The following ASTN2 variants were observed in gnomAD, a reference collection of about 807,000 sequenced individuals.
The protein encoded by ASTN2 is astrotactin 2, also known as astrotactin-2.
Under a neutral mutation model 139.8 loss-of-function variants are expected in ASTN2, and 54 were observed. The ratio of observed to expected loss-of-function variants is 0.39; its 90% CI spans 0.31 to 0.48. The LOEUF (loss-of-function observed/expected upper bound fraction) is 0.48, where lower values mean the gene tolerates loss of function less well. ASTN2 is among the 20% of genes least tolerant of loss of function. The pLI, the probability that ASTN2 is intolerant of heterozygous loss-of-function variation, is 0.95. For synonymous variants in ASTN2, 756 were observed against 719.5 expected (o/e 1.05, Z -0.81); for missense variants, 1,565 against 1,725.1 (o/e 0.91, Z 1.64).
At chr9:116,739,879 C>T (rs1829053748) in intron 13 of ASTN2, among the ~76,000 whole-genome samples, 1 of 152,226 alleles carries the variant, frequency 6.6e-6, no homozygotes, top group African/African-American at 2.4e-5. Context: ...TGCATGACCA[C>T]ATCTATTATG....
intron 5 of ASTN2, among the ~76,000 whole-genome samples, chr9:117,089,918 CATTTATTG>C (rs1423041495): frequency 6.6e-6 from 1 of 152,086 alleles, no homozygotes; most frequent in African/African-American, 2.4e-5. Flanking sequence ...TTTCTTTATC[CATTTATTG>C]ATTGATGGGC....
chr9:116,620,751 ATATTAT>A (rs71905045), intron 17 of ASTN2, among the ~76,000 whole-genome samples: 17,571 of 152,132 alleles, frequency 0.12, 1,054 homozygotes, highest in East Asian at 0.15. Flanking sequence ...CACACAATAG[ATATTAT>A]TATTATAATT....
At chr9:117,219,536 T>G (rs4838297) in intron 2 of ASTN2, among the ~76,000 whole-genome samples, 148,048 of 152,280 alleles carry the variant, frequency 0.97, 72,014 homozygotes, top group Non-Finnish European at 0.99. Context: ...GTCCGATTTG[T>G]ACCGTGCTCA....
At chr9:116,748,358 C>T (rs995088307) in intron 13 of ASTN2, among the ~76,000 whole-genome samples, 7 of 152,118 alleles carry the variant, frequency 4.6e-5, no homozygotes, top group African/African-American at 1.7e-4. Flanking sequence ...TCCAACCCTC[C>T]TGCTCCAGCT....
intron 1 of ASTN2, among the ~76,000 whole-genome samples, chr9:117,390,113 A>G (rs190903463): frequency 6.6e-6 from 1 of 152,308 alleles, no homozygotes; most frequent in African/African-American, 2.4e-5. Context: ...ATGCTTGGGA[A>G]CAACCCTCAG....
intron 20 of ASTN2, among the ~76,000 whole-genome samples, chr9:116,465,375 G>A (rs1302725951): frequency 6.6e-6 from 1 of 152,166 alleles, no homozygotes; most frequent in East Asian, 1.9e-4. Context: ...TGGCTGGCTG[G>A]GTACGGTTGG....
At chr9:117,117,634 C>T (rs1829431384) in intron 4 of ASTN2, among the ~76,000 whole-genome samples, 1 of 152,126 alleles carries the variant, frequency 6.6e-6, no homozygotes, top group Admixed American at 6.5e-5. Flanking sequence ...CACCCCCTAC[C>T]CCATGGTACT....
chr9:117,318,960 C>T (rs1207565722), intron 1 of ASTN2, among the ~76,000 whole-genome samples: 2 of 152,130 alleles, frequency 1.3e-5, no homozygotes, highest in African/African-American at 2.4e-5. Context: ...CTAGTCACTG[C>T]GGGAGGCAAA....
At chr9:116,923,593 C>T (rs374027059) in intron 10 of ASTN2, among the ~76,000 whole-genome samples, 42 of 152,168 alleles carry the variant, frequency 2.8e-4, no homozygotes, top group African/African-American at 8.2e-4. Flanking sequence ...TTGGCAGAGA[C>T]GTACACCAAC....
intron 17 of ASTN2, among the ~76,000 whole-genome samples, chr9:116,635,102 G>A (rs1020007049): frequency 6.6e-6 from 1 of 152,196 alleles, no homozygotes; most frequent in African/African-American, 2.4e-5. Flanking sequence ...GAGGTTATAA[G>A]TAATTAAATT....
chr9:117,221,354 T>C (rs138141287), intron 2 of ASTN2, among the ~76,000 whole-genome samples: 1 of 152,194 alleles, frequency 6.6e-6, no homozygotes, highest in East Asian at 1.9e-4. Context: ...CTCATTTTAA[T>C]CTATTTTTCA....
chr9:116,832,940 T>TTTATTTATTTATTTA (rs1831861685), intron 11 of ASTN2, among the ~76,000 whole-genome samples: 7 of 149,822 alleles, frequency 4.7e-5, no homozygotes, highest in Admixed American at 2.0e-4. Flanking sequence ...TTTTGTTTTG[T>TTTATTTATTTATTTA]TTTATTTATT....
intron 2 of ASTN2, among the ~76,000 whole-genome samples, chr9:117,226,813 A>G (rs972935129): frequency 6.6e-6 from 1 of 152,172 alleles, no homozygotes; most frequent in Non-Finnish European, 1.5e-5. Flanking sequence ...GTGTGTCTGG[A>G]GAGTCGGCAG....
chr9:116,455,348 C>CAAAAAA (rs34816182), intron 20 of ASTN2, among the ~76,000 whole-genome samples: 1 of 123,780 alleles, frequency 8.1e-6, no homozygotes, highest in African/African-American at 3.1e-5. Flanking sequence ...GATTCTGTCT[C>CAAAAAA]AAAAAAAAAA....
At chr9:117,091,986 G>C (rs528290181) in intron 5 of ASTN2, among the ~76,000 whole-genome samples, 1 of 152,234 alleles carries the variant, frequency 6.6e-6, no homozygotes, top group South Asian at 2.1e-4. Flanking sequence ...GTAGAGAAGG[G>C]GAGAACTTGT....
intron 2 of ASTN2, among the ~76,000 whole-genome samples, chr9:117,225,824 A>T (rs1307574384): frequency 6.6e-6 from 1 of 151,942 alleles, no homozygotes; most frequent in Non-Finnish European, 1.5e-5. Flanking sequence ...AAAATATGTC[A>T]CACAGCCCTT....
At chr9:117,207,786 T>C (rs1482409324) in intron 3 of ASTN2, among the ~76,000 whole-genome samples, 2 of 152,038 alleles carry the variant, frequency 1.3e-5, no homozygotes, top group East Asian at 1.9e-4. Flanking sequence ...TGCATGAACA[T>C]CCCCCTGTTC....
At chr9:116,784,511 T>C (rs1437540427) in intron 13 of ASTN2, among the ~76,000 whole-genome samples, 1 of 152,220 alleles carries the variant, frequency 6.6e-6, no homozygotes, top group East Asian at 1.9e-4. Context: ...CCTGTGTTGT[T>C]AGTTAACTTT....
rs553553962 is a variant in ASTN2 at position 117,367,461 on chromosome 9, A to G, written c.442+47036T>C. 1.2e-4 allele frequency among the ~76,000 whole-genome samples: 19 copies of G among 152,280 alleles called. No individual in the cohort carries two copies. The South Asian group carries it at 1.5e-3, about 12-fold the overall frequency. Reference sequence around the variant, plus strand: ...TGTATACTTCAAATGCGTTTTCTGTAAAGAAGGGACATTTTCATGATCCTC... The same window carrying G: ...TGTATACTTCAAATGCGTTTTCTGTGAAGAAGGGACATTTTCATGATCCTC... On this transcript the variant is annotated intron_variant, in intron 1 of 22. Coordinates refer to ENST00000313400, the MANE Select transcript of ASTN2 (RefSeq NM_001365068.1).
Sources: gnomAD v4.1 joint callset for allele counts (sites outside exome capture counted in the v4.1 genomes callset) on GRCh38, gnomAD v4.1.1 for gene constraint, MANE v1.5 for transcripts, NCBI Gene and HGNC (gene_info 2026-07-23, HGNC 2026-07-21) for gene names.